The following HPR variants were observed in gnomAD, a reference collection of about 807,000 sequenced individuals.
HPR encodes haptoglobin-related protein.
A neutral mutation model predicts 18.5 loss-of-function variants in HPR; 17 were observed. The ratio of observed to expected loss-of-function variants is 0.92; its 90% CI spans 0.63 to 1.38. HPR has a LOEUF of 1.38. HPR is among the 40% of genes most tolerant of loss of function. The pLI is 0.00. For synonymous variants in HPR, 176 were observed against 165.0 expected (o/e 1.07, Z -0.51); for missense variants, 457 against 432.4 (o/e 1.06, Z -0.51).
chr16:72,076,950 C>T lies in HPR; in HGVS notation c.916C>T (p.Leu306=). ...GGGCAGTGCCTTTGCCGTTCACGAC[C>T]TGGAGGAGGACACCTGGTACGCGGC... is the stretch of plus-strand genomic sequence containing the variant. ...DAGSAFAVHD[L]EEDTWYAAGI... Residue 306 remains leucine (L), a synonymous_variant, in exon 5 of 5, where the codon CTG becomes TTG. Coordinates refer to ENST00000540303, the MANE Select transcript of HPR (RefSeq NM_020995.4). 22 of 1,614,224 alleles carry T rather than the reference C, an allele frequency of 1.4e-5. No homozygotes were observed. The highest frequency in any genetic ancestry group is 1.8e-5 in the Non-Finnish European group (21 of 1,180,036).
intron 3 of HPR, chr16:72,074,711 G>A (rs1476053077): frequency 7.1e-6 from 5 of 705,626 alleles, no homozygotes; most frequent in African/African-American, 1.7e-5. Flanking sequence ...AGTGAGTCTT[G>A]CTGTCCTGGC....
At chr16:72,066,147 T>C (rs2041595456) in intron 1 of HPR, among the ~76,000 whole-genome samples, 1 of 152,162 alleles carries the variant, frequency 6.6e-6, no homozygotes. Context: ...TTTCTTCCCT[T>C]TAAAAGGGGT....
chr16:72,063,951 C>A (rs528514808), intron 1 of HPR, among the ~76,000 whole-genome samples: 1 of 152,202 alleles, frequency 6.6e-6, no homozygotes, highest in South Asian at 2.1e-4. Flanking sequence ...CATGTTGGCC[C>A]GGATGATCTC....
chr16:72,074,378 AGGAG>A lies in HPR; in HGVS notation c.187_190del (p.Gly63MetfsTer6). On this transcript the variant is annotated frameshift_variant, in exon 3 of 5. Coordinates refer to ENST00000540303, the MANE Select transcript of HPR (RefSeq NM_020995.4). LOFTEE classifies it high-confidence loss of function. ...AGAACTACTACAGACTGCGCACAGA[AGGAG>A]ATGGTAAGACCTGGACAACTATCTC... 6.2e-7 allele frequency: 1 copy of A among 1,610,440 alleles called. No homozygotes were observed. Among genetic ancestry groups the A allele is most frequent in the Non-Finnish European group, 8.5e-7 (1 of 1,176,690 alleles).
At chr16:72,063,388 A>G in intron 1 of HPR, 128 bp downstream of exon 1, 1 of 1,176,900 alleles carries the variant, frequency 8.5e-7, no homozygotes, top group Non-Finnish European at 1.2e-6. Flanking sequence ...AGTGAACCAA[A>G]GGGCTTAGTG....
At chr16:72,064,406 C>T (rs112581859) in intron 1 of HPR, among the ~76,000 whole-genome samples, 2 of 152,152 alleles carry the variant, frequency 1.3e-5, no homozygotes, top group East Asian at 1.9e-4. Context: ...CCTGCCAGTC[C>T]TTACCCATAC....
At chr16:72,068,055 G>A (rs1158769682) in intron 1 of HPR, among the ~76,000 whole-genome samples, 1 of 152,148 alleles carries the variant, frequency 6.6e-6, no homozygotes, top group Admixed American at 6.5e-5. Context: ...GGGGTTCATG[G>A]ATTCACCCAA....
chr16:72,072,198 G>T (rs537881382), intron 1 of HPR, among the ~76,000 whole-genome samples: 1 of 152,018 alleles, frequency 6.6e-6, no homozygotes, highest in South Asian at 2.1e-4. Context: ...AGTAGAGACA[G>T]GGTTTCTCCA....
intron 1 of HPR, among the ~76,000 whole-genome samples, chr16:72,071,220 G>T (rs1406185069): frequency 1.3e-5 from 2 of 152,156 alleles, no homozygotes; most frequent in Non-Finnish European, 2.9e-5. Context: ...CCCAACTAAA[G>T]TAACGGTTGT....
chr16:72,065,925 G>A (rs1372308320), intron 1 of HPR, among the ~76,000 whole-genome samples: 1 of 152,128 alleles, frequency 6.6e-6, no homozygotes, highest in Non-Finnish European at 1.5e-5. Flanking sequence ...TCAGGCAGCT[G>A]CTGCTGCCCC....
chr16:72,075,661 C>A (rs1202451754), intron 4 of HPR, among the ~76,000 whole-genome samples: 1 of 152,336 alleles, frequency 6.6e-6, no homozygotes, highest in Non-Finnish European at 1.5e-5. Flanking sequence ...GTCTCAGAAC[C>A]AGAGGCAAAG....
rs756957241 is a variant in HPR at position 72,074,326 on chromosome 16, T to C, written c.134T>C (p.Val45Ala). ...CCCCCTGAGATTGCAAATGGCTATG[T>C]GGAGCACTTGTTTCGCTACCAGTGT... is the stretch of plus-strand genomic sequence containing the variant. Reference protein sequence around the residue: ...PKPPEIANGYVEHLFRYQCKN... With the variant: ...PKPPEIANGYAEHLFRYQCKN... The change falls in exon 3 of 5, where the codon GTG (valine) becomes GCG (alanine). Residue 45 changes from valine to alanine, a missense_variant. Val to Ala is a moderately conservative substitution (Grantham distance 64). Transcript: ENST00000540303. 2 of 1,614,122 alleles carry C rather than the reference T, an allele frequency of 1.2e-6. No individual in the cohort carries two copies. Among genetic ancestry groups the C allele is most frequent in the Non-Finnish European group, 1.7e-6 (2 of 1,180,008 alleles).
rs778985610 is a variant in HPR at position 72,076,819 on chromosome 16, A to T, written c.785A>T (p.Lys262Ile). ...ITHYEGSTCP[K>I]WKAPKSPVGV... Reference sequence around the variant, plus strand: ...CATTATGAAGGCAGCACATGCCCCAAATGGAAGGCACCGAAGAGCCCTGTA... The same window carrying T: ...CATTATGAAGGCAGCACATGCCCCATATGGAAGGCACCGAAGAGCCCTGTA... Residue 262 changes from lysine (K) to isoleucine (I), a missense_variant, in exon 5 of 5, where the codon AAA (lysine) becomes ATA (isoleucine). Physicochemically the swap from Lys to Ile is moderately radical, Grantham distance 102. Transcript: ENST00000540303. 5 of 1,614,248 alleles carry T rather than the reference A, an allele frequency of 3.1e-6. No homozygotes were observed. Among genetic ancestry groups the T allele is most frequent in the East Asian group, 4.5e-5 (2 of 44,884 alleles).
chr16:72,075,388 TC>T (rs1396847338), intron 4 of HPR, among the ~76,000 whole-genome samples, 169 bp downstream of exon 4: 9 of 152,110 alleles, frequency 5.9e-5, no homozygotes, highest in African/African-American at 2.2e-4. Flanking sequence ...AGGTGATGAC[TC>T]CCTAAGGATC....
At chr16:72,064,792 A>G (rs1290499995) in intron 1 of HPR, among the ~76,000 whole-genome samples, 2 of 152,162 alleles carry the variant, frequency 1.3e-5, no homozygotes, top group African/African-American at 4.8e-5. Flanking sequence ...TTGGTGGCCC[A>G]TACAGGGAAA....
intron 1 of HPR, among the ~76,000 whole-genome samples, chr16:72,065,511 T>TC (rs1262996832): frequency 1.3e-5 from 2 of 151,968 alleles, no homozygotes; most frequent in Admixed American, 6.6e-5. Flanking sequence ...CCCTTGATAG[T>TC]CCCCTAGGTT....
intron 1 of HPR, 156 bp from the exon 2 acceptor site, chr16:72,073,736 A>G (rs1394800648): frequency 6.4e-6 from 10 of 1,553,736 alleles, no homozygotes; most frequent in Middle Eastern, 2.3e-4. Flanking sequence ...CCATATATTG[A>G]TTTTCTTTTC....
intron 1 of HPR, among the ~76,000 whole-genome samples, chr16:72,070,449 G>A (rs1206582509): frequency 6.6e-6 from 1 of 152,138 alleles, no homozygotes; most frequent in Non-Finnish European, 1.5e-5. Context: ...ACCAGCTTGG[G>A]AAGGACCCTA....
chr16:72,075,980 C>A (rs570604050), intron 4 of HPR, among the ~76,000 whole-genome samples: 1 of 152,094 alleles, frequency 6.6e-6, no homozygotes, highest in East Asian at 2.0e-4. Flanking sequence ...TGGCCCCTAG[C>A]CCTTTCAATG....
Sources: allele counts gnomAD v4.1 joint callset (sites outside exome capture counted in the v4.1 genomes callset), GRCh38; gene constraint gnomAD v4.1.1; transcripts MANE v1.5; gene names NCBI Gene and HGNC (gene_info 2026-07-23, HGNC 2026-07-21).